EYS: variants seen among roughly 807,000 people sequenced by gnomAD.
EYS encodes protein eyes shut homolog.
Under a neutral mutation model 282.1 loss-of-function variants are expected in EYS, and 250 were observed. The observed-to-expected ratio is 0.89, with a 90% CI of 0.80 to 0.98. EYS has a LOEUF of 0.98. Among genes scored for constraint, EYS ranks in the 50% least tolerant of loss-of-function variants. The probability of loss-of-function intolerance (pLI) is 0.00; values close to 1 mark genes in which losing one functional copy is unlikely to be tolerated. For synonymous variants in EYS, 1,355 were observed against 1,282.9 expected, an observed-to-expected ratio of 1.06 and a Z score of -1.20; for missense variants, 4,016 against 3,709.0, an observed-to-expected ratio of 1.08 and a Z score of -2.15.
chr6:65,589,162 T>C (rs1003256985), intron 2 of EYS, among the ~76,000 whole-genome samples: 3 of 152,014 alleles, frequency 2.0e-5, no homozygotes, highest in Non-Finnish European at 4.4e-5. Context: ...ACAGTCACTA[T>C]CCCTGAATGG....
At chr6:64,459,454 T>C (rs146261890) in intron 26 of EYS, among the ~76,000 whole-genome samples, 1 of 152,288 alleles carries the variant, frequency 6.6e-6, no homozygotes, top group East Asian at 1.9e-4. Context: ...AAGGGGATTT[T>C]ATTAGGAGAA....
intron 35 of EYS, among the ~76,000 whole-genome samples, chr6:63,907,665 G>A (rs1484838946): frequency 6.6e-6 from 1 of 152,054 alleles, no homozygotes; most frequent in Non-Finnish European, 1.5e-5. Context: ...CAAAAGTGCA[G>A]TTTTGTTTCA....
chr6:63,926,790 G>C (rs1421006069), intron 35 of EYS, among the ~76,000 whole-genome samples: 1 of 152,178 alleles, frequency 6.6e-6, no homozygotes, highest in Admixed American at 6.5e-5. Context: ...CATAAGGAAA[G>C]TTACTTATTG....
At chr6:65,239,561 C>T (rs1767007271) in intron 12 of EYS, among the ~76,000 whole-genome samples, 1 of 151,856 alleles carries the variant, frequency 6.6e-6, no homozygotes, top group Non-Finnish European at 1.5e-5. Flanking sequence ...TTTTCACCTA[C>T]TATTAAGATG....
At chr6:63,967,073 G>A (rs1346135889) in intron 35 of EYS, among the ~76,000 whole-genome samples, 1 of 152,144 alleles carries the variant, frequency 6.6e-6, no homozygotes, top group Non-Finnish European at 1.5e-5. Flanking sequence ...CAATATGCCA[G>A]CATCACTTTA....
chr6:64,534,000 A>G (rs1391157729), intron 26 of EYS, among the ~76,000 whole-genome samples: 1 of 151,946 alleles, frequency 6.6e-6, no homozygotes, highest in Non-Finnish European at 1.5e-5. Flanking sequence ...TAGAAATCAT[A>G]AAGTTGTTGG....
At chr6:63,883,416 C>T (rs902628832) in intron 35 of EYS, among the ~76,000 whole-genome samples, 2 of 152,212 alleles carry the variant, frequency 1.3e-5, no homozygotes, top group Non-Finnish European at 2.9e-5. Flanking sequence ...TTTCTTCTAC[C>T]CTTGTGAAAA....
intron 36 of EYS, among the ~76,000 whole-genome samples, chr6:63,825,517 A>G (rs75770230): frequency 0.013 from 2,000 of 152,300 alleles, 35 homozygotes; most frequent in African/African-American, 0.046. Context: ...CTCAACGAGA[A>G]CAGGTGCTGG....
intron 22 of EYS, among the ~76,000 whole-genome samples, chr6:64,674,680 A>G (rs1028880068): frequency 4.0e-5 from 6 of 151,898 alleles, no homozygotes; most frequent in East Asian, 3.9e-4. Flanking sequence ...GAAACCTCTT[A>G]AAACTATACT....
Position 64,411,925 on chromosome 6 carries a change from G to GTATATATGTTTCTATATGCATGCATA in EYS, c.5928-23086_5928-23085insTATGCATGCATATAGAAACATATATA, listed in dbSNP as rs1561980315. Reference sequence around the variant, plus strand: ...TATATATGTTTATATATGCATGCATGTATGTATATATGTTTATATATGCAT... The same window carrying GTATATATGTTTCTATATGCATGCATA: ...TATATATGTTTATATATGCATGCATGTATATATGTTTCTATATGCATGCATATATGTATATATGTTTATATATGCAT... On this transcript the variant is annotated intron_variant, in intron 28 of 42. Coordinates refer to ENST00000503581, the MANE Select transcript of EYS (RefSeq NM_001142800.2). Among the ~76,000 whole-genome samples, 2 of 117,318 alleles carry GTATATATGTTTCTATATGCATGCATA rather than the reference G, an allele frequency of 1.7e-5. 1 individual carries two copies. Among genetic ancestry groups the GTATATATGTTTCTATATGCATGCATA allele is most frequent in the South Asian group, 5.3e-4 (2 of 3,758 alleles). The allele number at this position is 117,318 out of a possible 152,430, so 77.0% of individuals were successfully genotyped here. A position where few individuals can be genotyped will look rare whatever the true frequency, so the allele number is the denominator to read the frequency against.
chr6:64,347,300 A>C (rs1180945290), intron 29 of EYS, among the ~76,000 whole-genome samples: 1 of 151,472 alleles, frequency 6.6e-6, no homozygotes, highest in East Asian at 1.9e-4. Context: ...TGTGAAACTA[A>C]CTAGATATAT....
chr6:65,332,477 C>G, intron 11 of EYS: 1 of 1,249,764 alleles, frequency 8.0e-7, no homozygotes, highest in Non-Finnish European at 1.1e-6. Context: ...ATATTTAAGT[C>G]TATGCATTAT....
intron 12 of EYS, among the ~76,000 whole-genome samples, chr6:65,221,728 G>A (rs1766470972): frequency 6.6e-6 from 1 of 152,128 alleles, no homozygotes; most frequent in African/African-American, 2.4e-5. Context: ...CCCAAGAATG[G>A]TAGATCCACT....
intron 12 of EYS, among the ~76,000 whole-genome samples, chr6:65,143,077 T>C (rs1764388654): frequency 1.3e-5 from 2 of 152,014 alleles, no homozygotes; most frequent in African/African-American, 2.4e-5. Context: ...AAAAGACTCA[T>C]ATATAAATGC....
At chr6:64,728,265 T>TA (rs144021153) in intron 22 of EYS, among the ~76,000 whole-genome samples, 6,546 of 149,914 alleles carry the variant, frequency 0.044, 319 homozygotes, top group East Asian at 0.17. Context: ...TAAACCTGTG[T>TA]AAAAAAAAAA....
At chr6:64,617,313 G>A in intron 24 of EYS, 105 bp downstream of exon 24, 1 of 751,738 alleles carries the variant, frequency 1.3e-6, no homozygotes, top group East Asian at 2.7e-5. Context: ...ATGCGCTGAA[G>A]ATTAACTACT....
intron 12 of EYS, among the ~76,000 whole-genome samples, chr6:65,074,129 T>C (rs748798349): frequency 1.3e-5 from 2 of 151,972 alleles, no homozygotes; most frequent in Non-Finnish European, 2.9e-5. Flanking sequence ...CACAGTAAAA[T>C]ATGAAAATAA....
intron 12 of EYS, among the ~76,000 whole-genome samples, chr6:65,137,474 A>C (rs927156708): frequency 2.0e-5 from 3 of 152,130 alleles, no homozygotes; most frequent in African/African-American, 7.2e-5. Flanking sequence ...ATAGAAAAGC[A>C]CTGGAGACTT....
At chr6:64,310,792 G>C (rs1335301564) in intron 29 of EYS, among the ~76,000 whole-genome samples, 1 of 152,004 alleles carries the variant, frequency 6.6e-6, no homozygotes, top group Non-Finnish European at 1.5e-5. Flanking sequence ...GAGAGAAAGG[G>C]AACTGAGCAT....
Sources: allele counts gnomAD v4.1 joint callset (sites outside exome capture counted in the v4.1 genomes callset), GRCh38; gene constraint gnomAD v4.1.1; transcripts MANE v1.5; gene names NCBI Gene and HGNC (gene_info 2026-07-23, HGNC 2026-07-21).